The following RASA3 variants were observed in gnomAD, a reference collection of about 807,000 sequenced individuals.
The protein encoded by RASA3 is RAS p21 protein activator 3.
A neutral mutation model predicts 110.0 loss-of-function variants in RASA3; 73 were observed. The ratio of observed to expected loss-of-function variants is 0.66; its 90% CI spans 0.55 to 0.81. The LOEUF (loss-of-function observed/expected upper bound fraction) is 0.81. Among genes scored for constraint, RASA3 ranks in the 30% least tolerant of loss-of-function variants. The pLI is 0.00. For missense variants in RASA3, 976 were observed against 1,113.2 expected, an observed-to-expected ratio of 0.88 and a Z score of 1.75; for synonymous variants, 500 against 451.4, an observed-to-expected ratio of 1.11 and a Z score of -1.37.
intron 1 of RASA3, among the ~76,000 whole-genome samples, chr13:114,130,389 G>T (rs2080501305): frequency 6.6e-6 from 1 of 152,210 alleles, no homozygotes; most frequent in Non-Finnish European, 1.5e-5. Context: ...AGGTTCAGAT[G>T]ATATCCAGGC....
intron 21 of RASA3, among the ~76,000 whole-genome samples, chr13:113,995,744 G>GGA (rs1435304102): frequency 3.9e-5 from 3 of 75,960 alleles, no homozygotes; most frequent in Admixed American, 1.1e-4. Context: ...CGGCTGACGG[G>GGA]GGCCCGGCTG....
chr13:114,058,104 A>G (rs1376926811), intron 2 of RASA3, among the ~76,000 whole-genome samples: 1 of 152,090 alleles, frequency 6.6e-6, no homozygotes, highest in African/African-American at 2.4e-5. Context: ...CCCCTGCCTG[A>G]CCACTCAGGG....
In RASA3 at chr13:114,066,285, C is replaced by T. The variant is rs567044280; in HGVS notation, c.173+7435G>A. 5.3e-5 allele frequency among the ~76,000 whole-genome samples: 8 copies of T among 152,294 alleles called. No individual in the cohort carries two copies. In the East Asian group the frequency reaches 1.3e-3, roughly 26 times the overall value. ...CTCAGGAGGAGGCACAACCAGACAC[C>T]GGGTCCCCTGCAGCAGCTGAGACAC... On this transcript the variant is annotated intron_variant, in intron 2 of 23. Coordinates refer to ENST00000334062, the MANE Select transcript of RASA3 (RefSeq NM_007368.4).
chr13:113,997,669 C>T (rs1422816779), intron 20 of RASA3, among the ~76,000 whole-genome samples: 5 of 152,190 alleles, frequency 3.3e-5, no homozygotes, highest in South Asian at 2.1e-4. Flanking sequence ...CAGAAGGAGC[C>T]GGCTCTGTTG....
intron 1 of RASA3, among the ~76,000 whole-genome samples, chr13:114,100,825 G>A (rs10162111): frequency 0.18 from 27,063 of 152,268 alleles, 2,497 homozygotes; most frequent in Middle Eastern, 0.31. Flanking sequence ...GGCCCCATGC[G>A]TCTGTGTTCT....
Position 114,016,985 on chromosome 13 carries a change from T to C in RASA3, c.1206+252A>G, listed in dbSNP as rs577110950. Among the ~76,000 whole-genome samples the C allele has an allele frequency of 1.1e-4, 17 of 152,344 alleles. No individual in the cohort carries two copies. In the South Asian group the frequency reaches 1.4e-3, roughly 13 times the overall value. ...TCCCTGGGAAGAGCCAGGCTTTTCT[T>C]GCATGTTCTCCTTTGTGGAGTGGTG... is the stretch of plus-strand genomic sequence containing the variant. On this transcript the variant is annotated intron_variant, in intron 12 of 23. Coordinates refer to ENST00000334062, the MANE Select transcript of RASA3 (RefSeq NM_007368.4).
chr13:114,052,787 T>C (rs112195769), intron 2 of RASA3, among the ~76,000 whole-genome samples: 1,561 of 108,984 alleles, frequency 0.014, no homozygotes, highest in East Asian at 0.026. Context: ...AGACCCCCGC[T>C]GCTGACTGTA....
chr13:114,010,035 G>A lies in RASA3; in HGVS notation c.1591-571C>T, dbSNP rs142396597. 6.0e-3 allele frequency among the ~76,000 whole-genome samples: 919 copies of A among 152,358 alleles called. 9 individuals carry two copies. Among genetic ancestry groups the A allele is most frequent in the Non-Finnish European group, 0.011 (738 of 68,030 alleles). On this transcript the variant is annotated intron_variant, in intron 16 of 23. Transcript: ENST00000334062. ...CAGTTCCCTGGCTGTGAAATGAGGT[G>A]GGTTTGGTGCAGACCTCGGAGGAGG...
At chr13:114,098,986 G>A (rs1321362923) in intron 1 of RASA3, among the ~76,000 whole-genome samples, 3 of 126,658 alleles carry the variant, frequency 2.4e-5, no homozygotes, top group Non-Finnish European at 3.4e-5. Context: ...CACAGCAGTC[G>A]GGGCCCGGCC....
At chr13:113,998,294 T>C (rs188456893) in intron 20 of RASA3, among the ~76,000 whole-genome samples, 4 of 152,188 alleles carry the variant, frequency 2.6e-5, no homozygotes, top group East Asian at 3.9e-4. Flanking sequence ...CCAGCCCTCC[T>C]CTTCCCAGCC....
chr13:114,031,761 C>T (rs2054174210), intron 4 of RASA3, among the ~76,000 whole-genome samples: 1 of 152,226 alleles, frequency 6.6e-6, no homozygotes, highest in African/African-American at 2.4e-5. Context: ...TCTGCCTGGC[C>T]CGGCCCTTAG....
intron 21 of RASA3, among the ~76,000 whole-genome samples, chr13:113,994,096 CTG>C (rs1484877704): frequency 2.0e-5 from 3 of 152,288 alleles, no homozygotes; most frequent in South Asian, 2.1e-4. Flanking sequence ...TCTGAAACGT[CTG>C]TAATTTTTTC....
At chr13:114,054,290 T>C (rs1267506862) in intron 2 of RASA3, among the ~76,000 whole-genome samples, 1 of 152,206 alleles carries the variant, frequency 6.6e-6, no homozygotes, top group African/African-American at 2.4e-5. Flanking sequence ...GGCAAAAGAT[T>C]TGAACACACA....
chr13:114,037,791 C>G (rs1466379910), intron 4 of RASA3, among the ~76,000 whole-genome samples: 1 of 152,332 alleles, frequency 6.6e-6, no homozygotes, highest in South Asian at 2.1e-4. Context: ...GTGGACTGCA[C>G]AAACGTCGGC....
At chr13:114,049,367 A>G (rs1464038650) in intron 3 of RASA3, among the ~76,000 whole-genome samples, 11 of 152,210 alleles carry the variant, frequency 7.2e-5, no homozygotes, top group Admixed American at 7.2e-4. Flanking sequence ...GCCACAGTGA[A>G]ACATCTAAGT....
At chr13:114,041,117 T>TTCA in intron 3 of RASA3, 23 bp from the exon 4 acceptor site, 1 of 1,602,352 alleles carries the variant, frequency 6.2e-7, no homozygotes, top group South Asian at 1.1e-5. Context: ...CAGAGAAGAC[T>TTCA]TCACCACGGG....
chr13:114,113,276 G>A (rs141490739), intron 1 of RASA3, among the ~76,000 whole-genome samples: 70 of 152,336 alleles, frequency 4.6e-4, no homozygotes, highest in African/African-American at 1.5e-3. Flanking sequence ...GGCCTCAGAC[G>A]GCTCTTCCCG....
chr13:114,002,950 G>A (rs1326643204), intron 18 of RASA3, among the ~76,000 whole-genome samples: 1 of 152,218 alleles, frequency 6.6e-6, no homozygotes, highest in Non-Finnish European at 1.5e-5. Flanking sequence ...TGTCCCAGTG[G>A]GTGAGGACAC....
intron 20 of RASA3, among the ~76,000 whole-genome samples, chr13:113,998,899 C>T (rs957614409): frequency 5.3e-5 from 8 of 152,244 alleles, no homozygotes; most frequent in African/African-American, 1.7e-4. Context: ...GACTGGACAG[C>T]GGCAAACTCG....
Sources: allele counts gnomAD v4.1 joint callset (sites outside exome capture counted in the v4.1 genomes callset), GRCh38; gene constraint gnomAD v4.1.1; transcripts MANE v1.5; gene names NCBI Gene and HGNC (gene_info 2026-07-23, HGNC 2026-07-21).